The following TNNT3 variants were observed in gnomAD, a reference collection of about 807,000 sequenced individuals.
TNNT3 encodes the protein troponin T, fast skeletal muscle.
In TNNT3, 36 loss-of-function variants were observed where a neutral mutation model predicts 54.2. That is an observed-to-expected ratio of 0.66 (90% CI 0.51 to 0.88). The LOEUF (loss-of-function observed/expected upper bound fraction) is 0.88, where lower values mean the gene tolerates loss of function less well. Ranked by LOEUF, TNNT3 falls within the 40% of genes least tolerant of loss-of-function variation. TNNT3 has a pLI of 0.00. For synonymous variants in TNNT3, 120 were observed against 109.7 expected, an observed-to-expected ratio of 1.09 and a Z score of -0.59; for missense variants, 291 against 331.6, an observed-to-expected ratio of 0.88 and a Z score of 0.95.
At position 1,926,353 on chromosome 11, in the gene TNNT3, G is replaced by A. The variant is rs1383621051; in HGVS notation, c.68-342G>A. On this transcript the variant is annotated intron_variant, in intron 5 of 15. Transcript: ENST00000278317. ...ACCGTGTCTTGCTCGCTCCCCGCAC[G>A]CACCCCACCCTCGGCCTCGAGTGGC... 1.6e-5 allele frequency: 21 copies of A among 1,280,296 alleles called. 1 individual carries two copies. In the South Asian group the frequency reaches 1.9e-4, roughly 12 times the overall value. 79.3% of individuals were successfully genotyped at this position (1,280,296 alleles called of 1,614,324 possible).
At chr11:1,924,343 G>C (rs1351503685) in intron 4 of TNNT3, among the ~76,000 whole-genome samples, 1 of 152,212 alleles carries the variant, frequency 6.6e-6, no homozygotes, top group Non-Finnish European at 1.5e-5. Context: ...GCGCACCTGG[G>C]AACCGTGTGG....
chr11:1,933,454 T>G (rs1486499725), intron 9 of TNNT3, among the ~76,000 whole-genome samples: 1 of 152,148 alleles, frequency 6.6e-6, no homozygotes, highest in Non-Finnish European at 1.5e-5. Context: ...GGCCAGTCCA[T>G]CCTAAGGATG....
intron 4 of TNNT3, 100 bp from the exon 5 acceptor site, chr11:1,924,999 G>C: frequency 1.4e-6 from 2 of 1,403,690 alleles, no homozygotes; most frequent in Admixed American, 1.7e-5. Flanking sequence ...CGGCCAGCCG[G>C]CCTCCTGTCC....
At position 1,933,958 on chromosome 11, in the gene TNNT3, C is replaced by G. The variant is rs1345904141; in HGVS notation, c.316C>G (p.Gln106Glu). The change falls in exon 11 of 16, where the codon CAG (glutamine) becomes GAG (glutamate). Residue 106 changes from glutamine to glutamate, a missense_variant. Physicochemically the swap from Gln to Glu is conservative, Grantham distance 29. Coordinates refer to ENST00000278317, the MANE Select transcript of TNNT3 (RefSeq NM_006757.4). ...GAAGCGCCGTGCAGAGAGAGCGGAG[C>G]AGCAGAGGATTCGTGCAGAGAAGGA... ...IEKRRAERAE[Q>E]QRIRAEKERE... 1 of 1,612,618 alleles carries G rather than the reference C, an allele frequency of 6.2e-7. No individual in the cohort carries two copies. The highest frequency in any genetic ancestry group is 8.5e-7 in the Non-Finnish European group (1 of 1,179,994).
At chr11:1,923,666 T>A in intron 4 of TNNT3, 94 bp downstream of exon 4, 1 of 774,402 alleles carries the variant, frequency 1.3e-6, no homozygotes, top group Non-Finnish European at 2.2e-6. Flanking sequence ...CTCCCCAGGC[T>A]GCTCCAGGCC....
At chr11:1,934,201 C>T in intron 11 of TNNT3, 131 bp from the exon 12 acceptor site, 1 of 1,086,772 alleles carries the variant, frequency 9.2e-7, no homozygotes, top group East Asian at 2.6e-5. Context: ...CTGGAGCTTC[C>T]TTCCAGATAG....
intron 1 of TNNT3, 90 bp from the exon 2 acceptor site, chr11:1,922,767 C>T (rs762090360): frequency 3.7e-6 from 5 of 1,369,644 alleles, no homozygotes; most frequent in Non-Finnish European, 5.1e-6. Flanking sequence ...CAGCGCTGCT[C>T]CAAGACCCCA....
intron 11 of TNNT3, 87 bp downstream of exon 11, chr11:1,934,095 G>A (rs1374629020): frequency 9.1e-6 from 13 of 1,422,994 alleles, no homozygotes; most frequent in South Asian, 3.6e-5. Flanking sequence ...TCCTTCTCCC[G>A]GGGTTCCCAT....
At chr11:1,933,398 A>C (rs1389224973) in intron 9 of TNNT3, among the ~76,000 whole-genome samples, 1 of 152,104 alleles carries the variant, frequency 6.6e-6, no homozygotes, top group Non-Finnish European at 1.5e-5. Flanking sequence ...TCTCTCTGCC[A>C]GGCCCATGCA....
chr11:1,927,643 C>T (rs1851994317), intron 6 of TNNT3, among the ~76,000 whole-genome samples: 2 of 152,148 alleles, frequency 1.3e-5, no homozygotes, highest in South Asian at 2.1e-4. Context: ...AGCGGACAGA[C>T]GGACAGCAGG....
At chr11:1,929,078 T>C (rs779393577) in intron 6 of TNNT3, 42 bp from the exon 7 acceptor site, 1 of 1,612,486 alleles carries the variant, frequency 6.2e-7, no homozygotes, top group Non-Finnish European at 8.5e-7. Flanking sequence ...CCGCACTGGC[T>C]TTTCTCTTGC....
chr11:1,922,889 AGT>A lies in TNNT3; in HGVS notation c.17+2_17+3del. 2 of 1,613,650 alleles carry A rather than the reference AGT, an allele frequency of 1.2e-6. No homozygotes were observed. Among genetic ancestry groups the A allele is most frequent in the Non-Finnish European group, 8.5e-7 (1 of 1,179,998 alleles). The stretch of plus-strand genomic sequence containing the variant: ...CCACCTTCACCATGTCTGACGAGGA[AGT>A]GTGAGTACCCAGCTGGTGGCTGCCC... MSDEE[V>X]EQVEEQYEEE... is the part of the protein sequence containing the mutation. On this transcript the variant is annotated frameshift_variant and splice_region_variant, in exon 2 of 16. Coordinates refer to ENST00000278317, the MANE Select transcript of TNNT3 (RefSeq NM_006757.4). LOFTEE classifies it high-confidence loss of function.
intron 5 of TNNT3, 30 bp downstream of exon 5, chr11:1,925,146 T>G (rs2133284188): frequency 1.2e-6 from 2 of 1,608,770 alleles, no homozygotes; most frequent in South Asian, 1.1e-5. Context: ...CCGGCCCCCA[T>G]GCCCACTCCC....
chr11:1,934,318 T>C lies in TNNT3; in HGVS notation c.367-14T>C. Reference sequence around the variant, plus strand: ...TCTCCATCCCTGAGCATCTTGGGAATGGGGTCTCCACAGGAGGAAAAGGCC... The same window carrying C: ...TCTCCATCCCTGAGCATCTTGGGAACGGGGTCTCCACAGGAGGAAAAGGCC... On this transcript the variant is annotated splice_polypyrimidine_tract_variant and intron_variant, in intron 11 of 15. Coordinates refer to ENST00000278317, the MANE Select transcript of TNNT3 (RefSeq NM_006757.4). The C allele has an allele frequency of 6.2e-7, 1 of 1,608,534 alleles. No homozygotes were observed. The highest frequency in any genetic ancestry group is 8.5e-7 in the Non-Finnish European group (1 of 1,175,488).
Position 1,934,990 on chromosome 11 carries a change from C to A in TNNT3, c.681+71C>A, listed in dbSNP as rs901041236. 3.5e-6 allele frequency: 5 copies of A among 1,424,560 alleles called. No homozygotes were observed. The East Asian group carries it at 6.8e-5, about 19-fold the overall frequency. The allele number at this position is 1,424,560 out of a possible 1,614,324, so 88.2% of individuals were successfully genotyped here. A position where few individuals can be genotyped will look rare whatever the true frequency, so the allele number is the denominator to read the frequency against. On this transcript the variant is annotated intron_variant, in intron 14 of 15. Transcript: ENST00000278317. ...CACCAGCAGAGCAGCCATCTCCCTGCGTCCCTACCAAACTCTGGACCTGCC... is the reference window on the plus strand; with the variant it reads ...CACCAGCAGAGCAGCCATCTCCCTGAGTCCCTACCAAACTCTGGACCTGCC...
At chr11:1,924,954 C>A (rs928382784) in intron 4 of TNNT3, 145 bp from the exon 5 acceptor site, 1 of 851,150 alleles carries the variant, frequency 1.2e-6, no homozygotes, top group Non-Finnish European at 2.0e-6. Flanking sequence ...CCCCATCTTT[C>A]ACCCCTGCCA....
chr11:1,928,932 C>A (rs1453968097), intron 6 of TNNT3, 188 bp from the exon 7 acceptor site: 2 of 711,506 alleles, frequency 2.8e-6, no homozygotes, highest in East Asian at 2.7e-5. Context: ...CCACCCCCTC[C>A]CCAGGCATTG....
At chr11:1,926,525 TG>T in intron 5 of TNNT3, 169 bp from the exon 6 acceptor site, 1 of 1,612,726 alleles carries the variant, frequency 6.2e-7, no homozygotes, top group Middle Eastern at 1.6e-4. Flanking sequence ...TGTGGCCATG[TG>T]GGGGGTGCAG....
At chr11:1,926,464 G>T (rs1335289248) in intron 5 of TNNT3, 4 of 1,613,024 alleles carry the variant, frequency 2.5e-6, no homozygotes, top group Non-Finnish European at 3.4e-6. Context: ...TCCTTGGCCC[G>T]TGAAGTTCAT....
Sources: allele counts gnomAD v4.1 joint callset (sites outside exome capture counted in the v4.1 genomes callset), GRCh38; gene constraint gnomAD v4.1.1; transcripts MANE v1.5; gene names NCBI Gene and HGNC (gene_info 2026-07-23, HGNC 2026-07-21).